STAP2: variants seen among roughly 807,000 people sequenced by gnomAD.
The protein encoded by STAP2 is signal-transducing adaptor protein 2.
Under a neutral mutation model 52.7 loss-of-function variants are expected in STAP2, and 58 were observed. That is an observed-to-expected ratio of 1.10 (90% confidence interval 0.89 to 1.37). STAP2 has a LOEUF of 1.37. STAP2 is among the 40% of genes most tolerant of loss of function. The probability of loss-of-function intolerance (pLI) is 0.00; values close to 1 mark genes in which losing one functional copy is unlikely to be tolerated. For synonymous variants in STAP2, 231 were observed against 210.5 expected (o/e 1.10, Z -0.84); for missense variants, 522 against 519.4 (o/e 1.00, Z -0.05).
At chr19:4,330,955 T>C (rs1469242337) in intron 4 of STAP2, among the ~76,000 whole-genome samples, 1 of 151,878 alleles carries the variant, frequency 6.6e-6, no homozygotes, top group African/African-American at 2.4e-5. Context: ...CCTCATGATC[T>C]GCCAGCCTCG....
At chr19:4,326,045 TAC>T (rs764494306) in intron 9 of STAP2, among the ~76,000 whole-genome samples, 6 of 152,190 alleles carry the variant, frequency 3.9e-5, no homozygotes, top group Admixed American at 1.3e-4. Flanking sequence ...GCAACGTTTG[TAC>T]ACACACACCT....
intron 1 of STAP2, among the ~76,000 whole-genome samples, chr19:4,337,032 C>T (rs1366441832): frequency 6.6e-6 from 1 of 152,028 alleles, no homozygotes; most frequent in Non-Finnish European, 1.5e-5. Context: ...AAAGTCTACT[C>T]CACTACAGGT....
intron 1 of STAP2, among the ~76,000 whole-genome samples, chr19:4,334,467 T>C (rs933966551): frequency 3.3e-5 from 5 of 151,570 alleles, no homozygotes; most frequent in African/African-American, 1.2e-4. Context: ...CACCTACCAT[T>C]GACCCATCCA....
Position 4,332,082 on chromosome 19 carries a change from G to A in STAP2, c.298-4C>T. On this transcript the variant is annotated splice_polypyrimidine_tract_variant and splice_region_variant and intron_variant, in intron 3 of 12. Coordinates refer to ENST00000594605, the MANE Select transcript of STAP2 (RefSeq NM_001013841.2). The stretch of plus-strand genomic sequence containing the variant: ...CCCGACACTCCAAGGTCTCTACCTG[G>A]GGAACAAAAGAAAGGAAAGAATCCA... 1 of 1,608,638 alleles carries A rather than the reference G, an allele frequency of 6.2e-7. No individual in the cohort carries two copies. Among genetic ancestry groups the A allele is most frequent in the Non-Finnish European group, 8.5e-7 (1 of 1,178,640 alleles).
chr19:4,327,351 C>G lies in STAP2; in HGVS notation c.625G>C (p.Glu209Gln). The stretch of plus-strand genomic sequence containing the variant: ...ACATCGATCACGTACTTGGGGCCCT[C>G]CCGCTTCACCTTGTAATGCCGGACC... ...HVVRHYKVKR[E>Q]GPKYVIDVEQ... The change falls in exon 7 of 13, where the codon GAG becomes CAG. Residue 209 changes from glutamate to glutamine, a missense_variant. By Grantham distance (29) the Glu-to-Gln change is conservative. Transcript: ENST00000594605. 6.2e-7 allele frequency: 1 copy of G among 1,614,134 alleles called. No individual in the cohort carries two copies. Among genetic ancestry groups the G allele is most frequent in the South Asian group, 1.1e-5 (1 of 91,088 alleles).
chr19:4,331,572 G>A (rs1047470303), intron 4 of STAP2, among the ~76,000 whole-genome samples: 7 of 151,920 alleles, frequency 4.6e-5, no homozygotes, highest in Non-Finnish European at 1.0e-4. Context: ...AGAGGTTGCA[G>A]TGAGCTGAGA....
chr19:4,330,115 C>T, intron 4 of STAP2, 54 bp from the exon 5 acceptor site: 1 of 1,452,256 alleles, frequency 6.9e-7, no homozygotes, highest in South Asian at 1.1e-5. Flanking sequence ...GAATGGACGG[C>T]TGTGCCCAAG....
intron 9 of STAP2, among the ~76,000 whole-genome samples, chr19:4,326,377 A>T (rs956404076): frequency 6.6e-6 from 1 of 152,144 alleles, no homozygotes; most frequent in African/African-American, 2.4e-5. Flanking sequence ...GTGTGTGTGG[A>T]TGTGGCACTT....
intron 3 of STAP2, 81 bp downstream of exon 3, chr19:4,333,613 G>A: frequency 6.6e-7 from 1 of 1,512,522 alleles, no homozygotes. Context: ...GCCCCTTCGT[G>A]GTTGGCACAA....
intron 5 of STAP2, among the ~76,000 whole-genome samples, chr19:4,329,276 T>G (rs1048162001): frequency 5.4e-5 from 8 of 149,040 alleles, no homozygotes; most frequent in South Asian, 4.2e-4. Flanking sequence ...GGTTTTTTGG[T>G]TTTTTTTTTC....
chr19:4,335,855 C>T (rs1196026932), intron 1 of STAP2, among the ~76,000 whole-genome samples: 1 of 152,070 alleles, frequency 6.6e-6, no homozygotes, highest in Non-Finnish European at 1.5e-5. Context: ...GTCCTCAACA[C>T]GTGAACTGTG....
rs978535649 is a variant in STAP2 at position 4,336,314 on chromosome 19, CT to C, written c.103-2271del. Among the ~76,000 whole-genome samples, 565 of 83,414 alleles carry C rather than the reference CT, an allele frequency of 6.8e-3. 1 individual carries two copies. Among genetic ancestry groups the C allele is most frequent in the African/African-American group, 0.022 (423 of 19,194 alleles). The allele number at this position is 83,414 out of a possible 152,430, so 54.7% of individuals were successfully genotyped here. ...ACAGGCGTGAGCCACTGCACACTGC[CT>C]TTTTTTTTTTTTTTTTTTTTTGAGA... On this transcript the variant is annotated intron_variant, in intron 1 of 12. Transcript: ENST00000594605.
intron 6 of STAP2, among the ~76,000 whole-genome samples, 168 bp downstream of exon 6, chr19:4,328,507 G>A (rs954250098): frequency 1.1e-5 from 1 of 95,192 alleles, no homozygotes; most frequent in Non-Finnish European, 2.1e-5. Context: ...CCCCCAATCC[G>A]CCCAGCTCAG....
chr19:4,332,435 G>A (rs1187673864), intron 3 of STAP2, among the ~76,000 whole-genome samples: 12 of 151,286 alleles, frequency 7.9e-5, no homozygotes, highest in Non-Finnish European at 1.6e-4. Context: ...TGAACTCCTG[G>A]GCCCAAGCTA....
chr19:4,336,824 G>A (rs982882692), intron 1 of STAP2, among the ~76,000 whole-genome samples: 8 of 149,902 alleles, frequency 5.3e-5, no homozygotes, highest in African/African-American at 1.7e-4. Context: ...TAGTAGAGAC[G>A]AGGTTTCACC....
intron 4 of STAP2, 23 bp from the exon 5 acceptor site, chr19:4,330,084 T>C: frequency 1.3e-6 from 2 of 1,596,828 alleles, no homozygotes; most frequent in South Asian, 2.2e-5. Flanking sequence ...CGAGGGACAG[T>C]GACTGCACCT....
In STAP2 at chr19:4,327,190, A is replaced by C. The variant is rs776010507; in HGVS notation, c.697T>G (p.Phe233Val). 5 of 1,614,130 alleles carry C rather than the reference A, an allele frequency of 3.1e-6. No individual in the cohort carries two copies. In the South Asian group the frequency reaches 5.5e-5, roughly 18 times the overall value. Residue 233 changes from phenylalanine to valine, a missense_variant, in exon 8 of 13, where the codon TTC (phenylalanine) becomes GTC (valine). By Grantham distance (50) the Phe-to-Val change is conservative. Transcript: ENST00000594605. ...CTSLDAVVNY[F>V]VSHTKKALVP... ...AGCGCCTTTTTGGTATGCGACACGA[A>C]ATAGTTGACCACGGCGTCCAGGGAG...
At chr19:4,329,749 C>T (rs923473810) in intron 5 of STAP2, among the ~76,000 whole-genome samples, 10 of 152,122 alleles carry the variant, frequency 6.6e-5, no homozygotes, top group African/African-American at 2.2e-4. Flanking sequence ...TACCAGTCCT[C>T]TAGGCCCCTA....
In STAP2 at chr19:4,328,702, G is replaced by T; in HGVS notation, c.563C>A (p.Ser188Ter). The T allele has an allele frequency of 1.4e-6, 2 of 1,473,338 alleles. No homozygotes were observed. Among genetic ancestry groups the T allele is most frequent in the East Asian group, 3.0e-5 (1 of 33,794 alleles). The allele number at this position is 1,473,338 out of a possible 1,614,324, so 91.3% of individuals were successfully genotyped here. The change falls in exon 6 of 13, where the codon TCG (serine) becomes TAG (stop). Residue 188 changes from serine (S) to a stop codon, truncating the protein, a stop_gained. Coordinates refer to ENST00000594605, the MANE Select transcript of STAP2 (RefSeq NM_001013841.2). LOFTEE classifies it high-confidence loss of function. ...RPSGDGADGV[S>*]VTTRQMHNGT... is the part of the protein sequence containing the mutation. ...GTTGTGCATCTGCCGCGTGGTGACCGACACGCCGTCGGCGCCGTCCCCGCT... is the reference window on the plus strand; with the variant it reads ...GTTGTGCATCTGCCGCGTGGTGACCTACACGCCGTCGGCGCCGTCCCCGCT...
Sources: allele counts gnomAD v4.1 joint callset (sites outside exome capture counted in the v4.1 genomes callset), GRCh38; gene constraint gnomAD v4.1.1; transcripts MANE v1.5; gene names NCBI Gene and HGNC (gene_info 2026-07-23, HGNC 2026-07-21).